Variants in TMEM132B observed in about 807,000 individuals in gnomAD.
TMEM132B encodes the protein transmembrane protein 132B.
TMEM132B carries 18 observed loss-of-function variants against 90.8 expected under a neutral mutation model. The observed-to-expected ratio is 0.20, with a 90% CI of 0.14 to 0.29. The LOEUF (loss-of-function observed/expected upper bound fraction) is 0.29. Ranked by LOEUF, TMEM132B falls within the 10% of genes least tolerant of loss-of-function variation. TMEM132B has a pLI of 1.00. For missense variants in TMEM132B, 1,096 were observed against 1,326.8 expected, an observed-to-expected ratio of 0.83 and a Z score of 2.70; for synonymous variants, 504 against 523.3, an observed-to-expected ratio of 0.96 and a Z score of 0.50.
At position 125,565,795 on chromosome 12, in the gene TMEM132B, G is replaced by C. The variant is rs564098101; in HGVS notation, c.1294-18056G>C. On this transcript the variant is annotated intron_variant, in intron 4 of 8. Transcript: ENST00000682704. ...CATCTCTTCCTGGAGCCAGGGGTTT[G>C]GGGTTTATATGAGTACAGGACAGGG... Among the ~76,000 whole-genome samples the C allele has an allele frequency of 3.0e-4, 45 of 152,288 alleles. No individual in the cohort carries two copies. The East Asian group carries it at 8.1e-3, about 27-fold the overall frequency.
At position 125,459,076 on chromosome 12, in the gene TMEM132B, C is replaced by T. The variant is rs151242081; in HGVS notation, c.1106+43399C>T. Among the ~76,000 whole-genome samples the T allele has an allele frequency of 1.7e-3, 254 of 152,322 alleles. 2 individuals are homozygous for T. The highest frequency in any genetic ancestry group is 5.8e-3 in the African/African-American group (242 of 41,578). On this transcript the variant is annotated intron_variant, in intron 3 of 8. Coordinates refer to ENST00000682704, the MANE Select transcript of TMEM132B (RefSeq NM_001366854.1). This position sits in a 1 kb window ranked among gnomAD's most constrained non-coding sequence, Gnocchi z 4.1. ...AGCAAAGCCCCTTTCAGAGCACCCC[C>T]GTCCATCTTATGCCTGAGTGGAGCC...
chr12:125,251,342 TG>T lies in TMEM132B; in HGVS notation c.67+64478del, dbSNP rs1874313436. On this transcript the variant is annotated intron_variant, in intron 1 of 8. Transcript: ENST00000682704. The surrounding 1 kb of genome is among the most constrained non-coding windows in gnomAD (Gnocchi z 4.4). ...GAAATAGCATTTTAGAAAAAAGAAC[TG>T]GATGGAAATGTATTTTGCGTCTTGA... Among the ~76,000 whole-genome samples, 1 of 152,140 alleles carries T rather than the reference TG, an allele frequency of 6.6e-6. No homozygotes were observed. The highest frequency in any genetic ancestry group is 1.5e-5 in the Non-Finnish European group (1 of 68,028).
At chr12:125,260,922 T>TTTTGTGTG in intron 1 of TMEM132B, among the ~76,000 whole-genome samples, 1 of 148,252 alleles carries the variant, frequency 6.7e-6, no homozygotes. Context: ...TCTCTACAGA[T>TTTTGTGTG]TGTGTGTGTG....
At chr12:125,371,680 T>C (rs1878296784) in intron 2 of TMEM132B, among the ~76,000 whole-genome samples, 1 of 152,204 alleles carries the variant, frequency 6.6e-6, no homozygotes, top group Non-Finnish European at 1.5e-5. Flanking sequence ...TGTGTGGAGC[T>C]AGTTCAGTTT....
At chr12:125,636,922 C>T (rs966667794) in intron 5 of TMEM132B, among the ~76,000 whole-genome samples, 1 of 152,194 alleles carries the variant, frequency 6.6e-6, no homozygotes, top group Non-Finnish European at 1.5e-5. Context: ...TCACAATAGT[C>T]CACATTTGTT....
intron 3 of TMEM132B, among the ~76,000 whole-genome samples, chr12:125,495,397 T>C (rs1037742617): frequency 6.6e-6 from 1 of 151,630 alleles, no homozygotes; most frequent in Admixed American, 6.6e-5. Flanking sequence ...GTAGCTCCTG[T>C]TGGATGGCCC....
chr12:125,358,125 T>C (rs1022018099), intron 2 of TMEM132B, among the ~76,000 whole-genome samples: 5 of 152,060 alleles, frequency 3.3e-5, no homozygotes, highest in Admixed American at 2.0e-4. Context: ...CTCCCATCCC[T>C]AATCAAATTC....
chr12:125,393,279 G>A (rs192987491), intron 2 of TMEM132B, among the ~76,000 whole-genome samples: 1 of 152,284 alleles, frequency 6.6e-6, no homozygotes, highest in East Asian at 1.9e-4. Context: ...GTATGAAGTG[G>A]GAATGATACA....
intron 2 of TMEM132B, among the ~76,000 whole-genome samples, chr12:125,358,146 T>TTG (rs1566012482): frequency 2.0e-5 from 3 of 151,916 alleles, no homozygotes; most frequent in African/African-American, 7.3e-5. Flanking sequence ...ACACTCTCTA[T>TTG]GGGGGGGAGA....
chr12:125,398,568 G>T (rs1365590614), intron 2 of TMEM132B, among the ~76,000 whole-genome samples: 2 of 152,218 alleles, frequency 1.3e-5, no homozygotes, highest in African/African-American at 4.8e-5. Flanking sequence ...GGCCTTGGCT[G>T]ATGGAGCAGC....
chr12:125,187,123 G>A (rs1217763655), intron 1 of TMEM132B, among the ~76,000 whole-genome samples: 2 of 152,158 alleles, frequency 1.3e-5, no homozygotes, highest in African/African-American at 4.8e-5. Flanking sequence ...ACAGACCGGG[G>A]CACTCAGCCT....
In TMEM132B at chr12:125,608,828, T is replaced by C. The variant is rs1052591145; in HGVS notation, c.1437+24834T>C. On this transcript the variant is annotated intron_variant, in intron 5 of 8. Transcript: ENST00000682704. ...CCACTTGTTGAAAAGGCAGTTCTTTTCTCCCATTGCATTGCTGTGGCACCT... is the reference window on the plus strand; with the variant it reads ...CCACTTGTTGAAAAGGCAGTTCTTTCCTCCCATTGCATTGCTGTGGCACCT... Among the ~76,000 whole-genome samples, 27 of 150,718 alleles carry C rather than the reference T, an allele frequency of 1.8e-4. 1 individual carries two copies. The highest frequency in any genetic ancestry group is 5.9e-4 in the African/African-American group (24 of 40,840).
intron 1 of TMEM132B, among the ~76,000 whole-genome samples, chr12:125,234,403 C>T (rs981835834): frequency 6.6e-6 from 1 of 152,162 alleles, no homozygotes; most frequent in Non-Finnish European, 1.5e-5. Context: ...AGGTTTTCCC[C>T]ATCACCTCCC....
intron 2 of TMEM132B, among the ~76,000 whole-genome samples, chr12:125,411,318 CA>C (rs1274129633): frequency 7.0e-6 from 1 of 142,518 alleles, no homozygotes; most frequent in Non-Finnish European, 1.5e-5. Context: ...AATGTGAATA[CA>C]TGGGCATAGG....
intron 3 of TMEM132B, among the ~76,000 whole-genome samples, chr12:125,420,708 G>A (rs1880144899): frequency 6.6e-6 from 1 of 152,108 alleles, no homozygotes; most frequent in Admixed American, 6.5e-5. Context: ...TCAGAAAATG[G>A]GTTTTTCTTT....
At chr12:125,310,285 C>G (rs1300237957) in intron 1 of TMEM132B, among the ~76,000 whole-genome samples, 1 of 152,214 alleles carries the variant, frequency 6.6e-6, no homozygotes, top group Non-Finnish European at 1.5e-5. Flanking sequence ...ACGTGTCCAG[C>G]CAGATCTCCT....
At chr12:125,559,368 C>T (rs1884466021) in intron 4 of TMEM132B, among the ~76,000 whole-genome samples, 1 of 152,134 alleles carries the variant, frequency 6.6e-6, no homozygotes, top group Non-Finnish European at 1.5e-5. Flanking sequence ...TCGTCTTCCC[C>T]TCCCCCACAG....
chr12:125,634,893 AG>A (rs1314916146), intron 5 of TMEM132B, among the ~76,000 whole-genome samples: 7 of 152,118 alleles, frequency 4.6e-5, no homozygotes, highest in Admixed American at 2.6e-4. Context: ...GGGTTGGGGA[AG>A]GGTGATGCCA....
rs143083462 is a variant in TMEM132B, at chr12:125,412,529, C to T, written c.960-3002C>T. Among the ~76,000 whole-genome samples, 10 of 152,268 alleles carry T rather than the reference C, an allele frequency of 6.6e-5. No individual in the cohort carries two copies. In the East Asian group the frequency reaches 1.2e-3, roughly 18 times the overall value. On this transcript the variant is annotated intron_variant, in intron 2 of 8. Transcript: ENST00000682704. ...GATCTGGTTTCGAATCCTGGCTCTGCCAGAACCAGCTGTGTGACCTTCAGC... is the reference window on the plus strand; with the variant it reads ...GATCTGGTTTCGAATCCTGGCTCTGTCAGAACCAGCTGTGTGACCTTCAGC...
Sources: allele counts gnomAD v4.1 joint callset (sites outside exome capture counted in the v4.1 genomes callset), GRCh38; gene constraint gnomAD v4.1.1; non-coding constraint Gnocchi (gnomAD v3.1); transcripts MANE v1.5; gene names NCBI Gene and HGNC (gene_info 2026-07-23, HGNC 2026-07-21).